Variants in ANK2 observed in about 807,000 individuals in gnomAD.
ANK2 encodes ankyrin 2.
A neutral mutation model predicts 360.5 loss-of-function variants in ANK2; 83 were observed. The ratio of observed to expected loss-of-function variants is 0.23; its 90% CI spans 0.19 to 0.28. The LOEUF is 0.28. Among genes scored for constraint, ANK2 ranks in the 10% least tolerant of loss-of-function variants. ANK2 has a pLI of 1.00. For synonymous variants in ANK2, 1,740 were observed against 1,759.5 expected, an observed-to-expected ratio of 0.99 and a Z score of 0.28; for missense variants, 4,201 against 4,795.7, an observed-to-expected ratio of 0.88 and a Z score of 3.66.
intron 1 of ANK2, among the ~76,000 whole-genome samples, chr4:113,140,934 C>T (rs1483532730): frequency 2.6e-5 from 4 of 151,514 alleles, no homozygotes; most frequent in East Asian, 1.9e-4. Context: ...GCCAAGGTTG[C>T]GCCATTGCAC....
intron 26 of ANK2, among the ~76,000 whole-genome samples, chr4:113,322,322 C>G (rs1440952184): frequency 1.3e-5 from 2 of 152,164 alleles, no homozygotes; most frequent in East Asian, 3.9e-4. Flanking sequence ...ATACACACAG[C>G]AAATACCTGG....
At chr4:113,186,591 C>T (rs1016129190) in intron 2 of ANK2, among the ~76,000 whole-genome samples, 2 of 124,602 alleles carry the variant, frequency 1.6e-5, no homozygotes, top group South Asian at 2.9e-4. Flanking sequence ...TCTCTCTTCT[C>T]TCTCTCTCTC....
At chr4:113,222,804 C>A (rs1157718688) in intron 4 of ANK2, among the ~76,000 whole-genome samples, 2 of 152,160 alleles carry the variant, frequency 1.3e-5, no homozygotes, top group African/African-American at 4.8e-5. Context: ...ATGAACTAAT[C>A]TTTTAATCAT....
At chr4:113,066,928 T>C (rs1267062158) in intron 1 of ANK2, among the ~76,000 whole-genome samples, 1 of 152,106 alleles carries the variant, frequency 6.6e-6, no homozygotes, top group Non-Finnish European at 1.5e-5. Flanking sequence ...ATACATAAAG[T>C]GCTTAGAATA....
chr4:112,883,831 A>T (rs1223605213), intron 1 of ANK2, among the ~76,000 whole-genome samples: 1 of 148,432 alleles, frequency 6.7e-6, no homozygotes, highest in East Asian at 2.2e-4. Context: ...TGTTTACATT[A>T]TAAATATATA....
intron 1 of ANK2, among the ~76,000 whole-genome samples, chr4:112,840,707 C>G (rs1353423453): frequency 6.6e-6 from 1 of 152,204 alleles, no homozygotes; most frequent in East Asian, 1.9e-4. Context: ...GTGCAAAGCA[C>G]TTTGCATAAA....
At chr4:112,734,020 C>T in the ANK2 span, among the ~76,000 whole-genome samples, 1 of 152,222 alleles carries the variant, frequency 6.6e-6, no homozygotes, top group African/African-American at 2.4e-5. Flanking sequence ...GGTGATCCAC[C>T]CGCCTCGGCC....
chr4:112,758,883 G>T, the ANK2 span, among the ~76,000 whole-genome samples: 1 of 152,134 alleles, frequency 6.6e-6, no homozygotes, highest in Non-Finnish European at 1.5e-5. Context: ...CCACTTTGGG[G>T]ATGAGGAACC....
intron 1 of ANK2, among the ~76,000 whole-genome samples, chr4:113,075,959 T>C (rs2079765826): frequency 1.3e-5 from 2 of 152,134 alleles, no homozygotes. Flanking sequence ...AAATAGATAC[T>C]CCAGATCCCA....
the ANK2 span, among the ~76,000 whole-genome samples, chr4:112,780,702 G>A: frequency 3.4e-3 from 517 of 152,102 alleles, 2 homozygotes; most frequent in Admixed American, 7.1e-3. Flanking sequence ...CAATCATGGC[G>A]GAAGGGGAGA....
the ANK2 span, among the ~76,000 whole-genome samples, chr4:112,751,920 G>A: frequency 6.7e-4 from 102 of 152,310 alleles, 1 homozygote; most frequent in Admixed American, 2.7e-3. Context: ...CCTGTGAAAT[G>A]TTAGTGAGTT....
At chr4:113,369,947 A>G (rs1158399363) in intron 43 of ANK2, 142 bp downstream of exon 43, 1 of 971,122 alleles carries the variant, frequency 1.0e-6, no homozygotes, top group Non-Finnish European at 1.5e-6. Context: ...GGAAACCCTC[A>G]ATCCCTTTTA....
chr4:113,348,449 C>G (rs1315406803), intron 36 of ANK2, 141 bp downstream of exon 36: 1 of 839,176 alleles, frequency 1.2e-6, no homozygotes, highest in Admixed American at 2.1e-5. Context: ...CTTAACCTCT[C>G]TAAGCCTCTG....
At chr4:113,049,985 A>G (rs2066217086) in intron 1 of ANK2, among the ~76,000 whole-genome samples, 173 bp downstream of exon 1, 1 of 152,092 alleles carries the variant, frequency 6.6e-6, no homozygotes, top group Non-Finnish European at 1.5e-5. Context: ...GCTTTTTGAG[A>G]ATAGTAAAGG....
the ANK2 span, among the ~76,000 whole-genome samples, chr4:112,783,016 T>A: frequency 2.0e-5 from 3 of 152,176 alleles, no homozygotes; most frequent in South Asian, 6.2e-4. Flanking sequence ...TTCAAGTGAT[T>A]CTCTTGCTTC....
At chr4:112,813,254 C>A (rs868026951), upstream of ANK2, among the ~76,000 whole-genome samples, 2,673 of 127,576 alleles carry the variant, frequency 0.021, 91 homozygotes, top group African/African-American at 0.066. Context: ...AAAAAAAAAT[C>A]AAAAAAAAAA....
At chr4:112,777,082 G>C in the ANK2 span, among the ~76,000 whole-genome samples, 2 of 152,136 alleles carry the variant, frequency 1.3e-5, no homozygotes, top group Non-Finnish European at 2.9e-5. Flanking sequence ...CTCAGTGAAT[G>C]TTGGCATAAT....
chr4:112,895,721 G>A (rs143339056), intron 1 of ANK2, among the ~76,000 whole-genome samples: 33 of 152,206 alleles, frequency 2.2e-4, no homozygotes, highest in Non-Finnish European at 4.4e-4. Flanking sequence ...TACATAGTTT[G>A]GTTACATTGA....
chr4:113,153,848 A>G (rs2097180555), intron 1 of ANK2, among the ~76,000 whole-genome samples: 2 of 152,206 alleles, frequency 1.3e-5, no homozygotes, highest in African/African-American at 4.8e-5. Context: ...GGTGAGAGCC[A>G]AGAATATTTA....
Sources: allele counts gnomAD v4.1 joint callset (sites outside exome capture counted in the v4.1 genomes callset), GRCh38; gene constraint gnomAD v4.1.1; transcripts MANE v1.5; gene names NCBI Gene and HGNC (gene_info 2026-07-23, HGNC 2026-07-21).